NETO1: variants seen among roughly 807,000 people sequenced by gnomAD.
NETO1 encodes the protein neuropilin and tolloid like 1.
In NETO1, 26 loss-of-function variants were observed where a neutral mutation model predicts 61.3. That is an observed-to-expected ratio of 0.42 (90% CI 0.31 to 0.59). The LOEUF (loss-of-function observed/expected upper bound fraction) is 0.59, where lower values mean the gene tolerates loss of function less well. Ranked by LOEUF, NETO1 falls within the 20% of genes least tolerant of loss-of-function variation. NETO1 has a pLI of 0.12. For synonymous variants in NETO1, 225 were observed against 225.8 expected, an observed-to-expected ratio of 1.00 and a Z score of 0.03; for missense variants, 531 against 662.8, an observed-to-expected ratio of 0.80 and a Z score of 2.18.
At chr18:72,777,426 A>C (rs1157281948) in intron 7 of NETO1, among the ~76,000 whole-genome samples, 9 of 127,482 alleles carry the variant, frequency 7.1e-5, no homozygotes, top group Admixed American at 1.7e-4. Context: ...TCTGAAAAAA[A>C]AAAACAAAAC....
intron 7 of NETO1, among the ~76,000 whole-genome samples, chr18:72,760,696 C>T (rs1230168682): frequency 4.6e-5 from 7 of 152,014 alleles, no homozygotes; most frequent in African/African-American, 1.7e-4. Context: ...CTTACCCAAG[C>T]GACTTAATAA....
rs1171366502 is a variant in NETO1 at position 72,867,778 on chromosome 18, GCGGCGGCGGCGGCGC to G, written c.-502_-488del. 4 of 156,340 alleles carry G rather than the reference GCGGCGGCGGCGGCGC, an allele frequency of 2.6e-5. No individual in the cohort carries two copies. Among genetic ancestry groups the G allele is most frequent in the Admixed American group, 6.7e-5 (1 of 14,966 alleles). The allele number at this position is 156,340 out of a possible 1,614,324, so 9.7% of individuals were successfully genotyped here. A position where few individuals can be genotyped will look rare whatever the true frequency, so the allele number is the denominator to read the frequency against. On this transcript the variant is annotated 5_prime_UTR_variant, in exon 1 of 11. Coordinates refer to ENST00000327305, the MANE Select transcript of NETO1 (RefSeq NM_138966.5). ...CAGACCGACGGCAGCGACGGAGCGGGCGGCGGCGGCGGCGCCGGCGGCGGCGGGGTGGCTCAGTCC... is the reference window on the plus strand; with the variant it reads ...CAGACCGACGGCAGCGACGGAGCGGGCGGCGGCGGCGGGGTGGCTCAGTCC...
chr18:72,778,432 T>C (rs983278180), intron 7 of NETO1, among the ~76,000 whole-genome samples: 1 of 152,216 alleles, frequency 6.6e-6, no homozygotes, highest in Non-Finnish European at 1.5e-5. Context: ...CATCTCTAAA[T>C]CTTTTCTTTC....
At position 72,816,793 on chromosome 18, in the gene NETO1, C is replaced by G. The variant is rs918608633; in HGVS notation, c.470-22389G>C. On this transcript the variant is annotated intron_variant, in intron 4 of 10. Coordinates refer to ENST00000327305, the MANE Select transcript of NETO1 (RefSeq NM_138966.5). ...GGGCTGGCTGGGGGTGGGGAGCTTG[C>G]CTTTTTAGTTCTCAAGTCTGCATTC... Among the ~76,000 whole-genome samples, 3 of 151,894 alleles carry G rather than the reference C, an allele frequency of 2.0e-5. No individual in the cohort carries two copies. In the East Asian group the frequency reaches 5.8e-4, roughly 29 times the overall value.
At chr18:72,818,480 A>T (rs1156929172) in intron 4 of NETO1, among the ~76,000 whole-genome samples, 1 of 152,220 alleles carries the variant, frequency 6.6e-6, no homozygotes, top group African/African-American at 2.4e-5. Flanking sequence ...AGCACAGTGG[A>T]AAAGGTGTAG....
chr18:72,764,833 C>T (rs1271638800), intron 7 of NETO1, among the ~76,000 whole-genome samples: 1 of 152,154 alleles, frequency 6.6e-6, no homozygotes, highest in Non-Finnish European at 1.5e-5. Flanking sequence ...GGTGTTCAGG[C>T]GAAAGGCTCA....
At chr18:72,761,089 G>A (rs2070957323) in intron 7 of NETO1, among the ~76,000 whole-genome samples, 1 of 152,050 alleles carries the variant, frequency 6.6e-6, no homozygotes, top group South Asian at 2.1e-4. Context: ...ATGTTAAGAT[G>A]TATGATATAA....
At position 72,782,510 on chromosome 18, in the gene NETO1, A is replaced by G. The variant is rs141661147; in HGVS notation, c.868+1168T>C. Among the ~76,000 whole-genome samples, 580 of 152,278 alleles carry G rather than the reference A, an allele frequency of 3.8e-3. 6 individuals are homozygous for G. Among genetic ancestry groups the G allele is most frequent in the African/African-American group, 0.011 (439 of 41,544 alleles). ...ATCTGTTATTGTTTGACTTTTAATA[A>G]CAGCTATTCTGAGGCCAGGCACAGT... On this transcript the variant is annotated intron_variant, in intron 7 of 10. Transcript: ENST00000327305.
intron 4 of NETO1, among the ~76,000 whole-genome samples, chr18:72,842,658 C>T (rs2073970966): frequency 6.6e-6 from 1 of 152,098 alleles, no homozygotes; most frequent in South Asian, 2.1e-4. Flanking sequence ...AGAAGTTAAG[C>T]CTGAAGCCAA....
rs907501168 is a variant in NETO1, at chr18:72,745,212, T to C, written c.*2967A>G. 2 of 152,188 alleles carry C rather than the reference T, an allele frequency of 1.3e-5. No homozygotes were observed. The highest frequency in any genetic ancestry group is 2.9e-5 in the Non-Finnish European group (2 of 68,024). 9.4% of individuals were successfully genotyped at this position (152,188 alleles called of 1,614,324 possible). On this transcript the variant is annotated 3_prime_UTR_variant, in exon 11 of 11. Transcript: ENST00000327305. ...ATTATGGCAAATCAAACACCACCTA[T>C]GTCTACTTTGCAAGATAATGCTTAA...
At chr18:72,759,998 T>C (rs1473752609) in intron 7 of NETO1, among the ~76,000 whole-genome samples, 1 of 152,214 alleles carries the variant, frequency 6.6e-6, no homozygotes, top group African/African-American at 2.4e-5. Flanking sequence ...CCCATTGACG[T>C]TAAAACACTA....
At chr18:72,850,968 G>A (rs185644269) in intron 4 of NETO1, among the ~76,000 whole-genome samples, 52 of 152,290 alleles carry the variant, frequency 3.4e-4, no homozygotes, top group African/African-American at 1.2e-3. Context: ...TGCATGGAAC[G>A]AGCTCATTTC....
At chr18:72,807,999 T>C (rs1330353007) in intron 4 of NETO1, among the ~76,000 whole-genome samples, 1 of 147,266 alleles carries the variant, frequency 6.8e-6, no homozygotes, top group Non-Finnish European at 1.5e-5. Context: ...TCTTTTTCAC[T>C]AGAACTGGTT....
At chr18:72,843,840 G>A (rs2074007150) in intron 4 of NETO1, among the ~76,000 whole-genome samples, 1 of 152,206 alleles carries the variant, frequency 6.6e-6, no homozygotes, top group African/African-American at 2.4e-5. Context: ...TAAGATAAGA[G>A]GCTAGGACTG....
chr18:72,845,293 G>A (rs969344986), intron 4 of NETO1, among the ~76,000 whole-genome samples: 1 of 152,144 alleles, frequency 6.6e-6, no homozygotes, highest in Non-Finnish European at 1.5e-5. Flanking sequence ...CTGGAGCTCT[G>A]AGAGATTAAG....
At chr18:72,754,093 T>C (rs1599090720) in intron 8 of NETO1, among the ~76,000 whole-genome samples, 1 of 152,144 alleles carries the variant, frequency 6.6e-6, no homozygotes, top group Non-Finnish European at 1.5e-5. Flanking sequence ...AGAATGTTTC[T>C]ATGTCTCACT....
At chr18:72,850,051 CA>C (rs1444426872) in intron 4 of NETO1, among the ~76,000 whole-genome samples, 1 of 152,208 alleles carries the variant, frequency 6.6e-6, no homozygotes, top group African/African-American at 2.4e-5. Context: ...AGCTTATTAG[CA>C]TTATTAATAC....
At chr18:72,799,343 G>C (rs79654215) in intron 4 of NETO1, among the ~76,000 whole-genome samples, 13,718 of 152,286 alleles carry the variant, frequency 0.09, 848 homozygotes, top group Middle Eastern at 0.21. Flanking sequence ...ATCTGTTTCT[G>C]TATGGTGTAT....
chr18:72,866,586 C>A (rs8085632), intron 1 of NETO1, among the ~76,000 whole-genome samples: 1 of 148,724 alleles, frequency 6.7e-6, no homozygotes, highest in Non-Finnish European at 1.5e-5. Flanking sequence ...CAGCAGCAAA[C>A]CCCTCTCAAC....
Sources: gnomAD v4.1 joint callset for allele counts (sites outside exome capture counted in the v4.1 genomes callset) on GRCh38, gnomAD v4.1.1 for gene constraint, MANE v1.5 for transcripts, NCBI Gene and HGNC (gene_info 2026-07-23, HGNC 2026-07-21) for gene names.